Variants in HLTF observed in about 807,000 individuals in gnomAD.
HLTF encodes DNA-dependent ATPase/E3 ubiquitin-protein ligase HLTF.
In HLTF, 127 loss-of-function variants were observed where a neutral mutation model predicts 129.4. The ratio of observed to expected loss-of-function variants is 0.98; its 90% CI spans 0.85 to 1.14. The LOEUF is 1.14. HLTF is among the 50% of genes most tolerant of loss of function. HLTF has a pLI of 0.00. For missense variants in HLTF, 1,139 were observed against 1,187.1 expected, an observed-to-expected ratio of 0.96 and a Z score of 0.60; for synonymous variants, 332 against 388.8, an observed-to-expected ratio of 0.85 and a Z score of 1.72.
At position 149,059,784 on chromosome 3, in the gene HLTF, C is replaced by T. The variant is rs751117048; in HGVS notation, c.1309G>A (p.Asp437Asn). ...GTTAATGCACATGCAAATGCCACATCTTCTATAACCTTAGAAGATCCTGCT... is the reference window on the plus strand; with the variant it reads ...GTTAATGCACATGCAAATGCCACATTTTCTATAACCTTAGAAGATCCTGCT... ...AKAGSSKVIEDVAFACALTSS... is the reference protein window; with the variant it reads ...AKAGSSKVIENVAFACALTSS... Residue 437 changes from aspartate (D) to asparagine (N), a missense_variant, in exon 13 of 25, where the codon GAT (aspartate) becomes AAT (asparagine). Transcript: ENST00000310053. 5 of 1,594,694 alleles carry T rather than the reference C, an allele frequency of 3.1e-6. No homozygotes were observed. The African/African-American group carries it at 5.4e-5, about 17-fold the overall frequency.
At chr3:149,056,519 A>G (rs1227214264) in intron 13 of HLTF, among the ~76,000 whole-genome samples, 1 of 152,154 alleles carries the variant, frequency 6.6e-6, no homozygotes, top group Non-Finnish European at 1.5e-5. Flanking sequence ...ATCATTCACA[A>G]CTTGCTTTTT....
At chr3:149,047,604 T>G (rs1462175440) in intron 17 of HLTF, among the ~76,000 whole-genome samples, 2 of 152,152 alleles carry the variant, frequency 1.3e-5, no homozygotes, top group East Asian at 3.9e-4. Context: ...ATCGCGCCAC[T>G]GCCCTCCAGC....
In HLTF at chr3:149,048,923, T is replaced by C. The variant is rs1325444289; in HGVS notation, c.1696A>G (p.Asn566Asp). Reference sequence around the variant, plus strand: ...AGTACAGCTTTTGTCTGCTGAGCATTTGGATTTCGTATGGCATGTCCTTCA... The same window carrying C: ...AGTACAGCTTTTGTCTGCTGAGCATCTGGATTTCGTATGGCATGTCCTTCA... The part of the protein sequence containing the change: ...LDEGHAIRNP[N>D]AQQTKAVLDL... Residue 566 changes from asparagine to aspartate, a missense_variant, in exon 16 of 25, where the codon AAT becomes GAT. By Grantham distance (23) the Asn-to-Asp change is conservative. Coordinates refer to ENST00000310053, the MANE Select transcript of HLTF (RefSeq NM_003071.4). The C allele has an allele frequency of 6.2e-7, 1 of 1,613,084 alleles. No homozygotes were observed. Among genetic ancestry groups the C allele is most frequent in the Non-Finnish European group, 8.5e-7 (1 of 1,179,128 alleles).
At chr3:149,049,103 C>T (rs1716781049) in intron 15 of HLTF, 102 bp from the exon 16 acceptor site, 1 of 764,652 alleles carries the variant, frequency 1.3e-6, no homozygotes, top group Admixed American at 2.5e-5. Context: ...ATCAAATTTA[C>T]TATGTGCTAG....
At chr3:149,086,005 C>G (rs1186448597) in intron 1 of HLTF, among the ~76,000 whole-genome samples, 1 of 152,136 alleles carries the variant, frequency 6.6e-6, no homozygotes, top group Non-Finnish European at 1.5e-5. Flanking sequence ...GAGCACAATG[C>G]CTGGCGCACA....
chr3:149,073,233 T>A lies in HLTF; in HGVS notation c.619A>T (p.Thr207Ser). 1 of 1,597,666 alleles carries A rather than the reference T, an allele frequency of 6.3e-7. No homozygotes were observed. The highest frequency in any genetic ancestry group is 8.5e-7 in the Non-Finnish European group (1 of 1,170,842). The change falls in exon 5 of 25, where the codon ACT becomes TCT. Residue 207 changes from threonine to serine, a missense_variant. Coordinates refer to ENST00000310053, the MANE Select transcript of HLTF (RefSeq NM_003071.4). The part of the protein sequence containing the change: ...MPVHAAVQMT[T>S]EQLKTEFDKL... Reference sequence around the variant, plus strand: ...ATAAAAGAGAAGCACACCTGTTCAGTTGTCATCTGTACTGCAGCATGCACT... The same window carrying A: ...ATAAAAGAGAAGCACACCTGTTCAGATGTCATCTGTACTGCAGCATGCACT...
chr3:149,038,215 C>T (rs1392778361), intron 23 of HLTF, among the ~76,000 whole-genome samples: 1 of 152,082 alleles, frequency 6.6e-6, no homozygotes, highest in Non-Finnish European at 1.5e-5. Context: ...CTACTAGAAC[C>T]GTGATGGTAA....
In HLTF at chr3:149,041,480, A is replaced by G; in HGVS notation, c.2376+10T>C. 1 of 1,609,236 alleles carries G rather than the reference A, an allele frequency of 6.2e-7. No individual in the cohort carries two copies. The highest frequency in any genetic ancestry group is 2.2e-5 in the East Asian group (1 of 44,766). ...TCAAACACTGAACCTGTACTGAGCA[A>G]AAAACTAACCTGCTCATTCTGAATG... On this transcript the variant is annotated intron_variant, in intron 20 of 24. Transcript: ENST00000310053.
intron 8 of HLTF, among the ~76,000 whole-genome samples, chr3:149,067,525 C>G (rs1423402746): frequency 6.6e-6 from 1 of 151,738 alleles, no homozygotes; most frequent in African/African-American, 2.4e-5. Context: ...GTTTTAGAGA[C>G]AGGGTCTCAC....
chr3:149,038,759 C>T (rs151012223), intron 23 of HLTF, among the ~76,000 whole-genome samples: 459 of 152,280 alleles, frequency 3.0e-3, no homozygotes, highest in Non-Finnish European at 4.3e-3. Flanking sequence ...GCAATCCATT[C>T]ACCTTGGCCT....
chr3:149,079,096 T>A (rs1372917490), intron 2 of HLTF, among the ~76,000 whole-genome samples: 1 of 151,558 alleles, frequency 6.6e-6, no homozygotes, highest in Admixed American at 6.6e-5. Context: ...AACAAAAAAA[T>A]GACACACAAC....
intron 23 of HLTF, among the ~76,000 whole-genome samples, chr3:149,036,120 G>A (rs1353699265): frequency 6.6e-6 from 1 of 151,422 alleles, no homozygotes; most frequent in Non-Finnish European, 1.5e-5. Context: ...GGGCGACAGA[G>A]CGAGACTACA....
chr3:149,079,152 T>A (rs148305963), intron 2 of HLTF, among the ~76,000 whole-genome samples: 6 of 151,640 alleles, frequency 4.0e-5, no homozygotes, highest in African/African-American at 1.4e-4. Context: ...CACACATACA[T>A]AAGAGTACCA....
At chr3:149,086,087 TCGGTGACAGAGATTTCCCAAGTCC>T (rs1576636209) in intron 1 of HLTF, among the ~76,000 whole-genome samples, 1 of 152,138 alleles carries the variant, frequency 6.6e-6, no homozygotes, top group East Asian at 1.9e-4. Flanking sequence ...CCCCCCACAG[TCGGTGACAGAGATTTCCCAAGTCC>T]CTAACACGGG....
intron 7 of HLTF, among the ~76,000 whole-genome samples, chr3:149,069,319 A>G (rs1204548282): frequency 1.3e-5 from 2 of 151,996 alleles, no homozygotes; most frequent in Non-Finnish European, 1.5e-5. Context: ...TAAATACAAA[A>G]AATTAGCTAG....
intron 10 of HLTF, 63 bp from the exon 11 acceptor site, chr3:149,060,921 C>G: frequency 9.2e-7 from 1 of 1,082,928 alleles, no homozygotes; most frequent in Non-Finnish European, 1.4e-6. Flanking sequence ...GATATACAAA[C>G]ATGTTTAATA....
chr3:149,034,639 GTA>G (rs1715413650), intron 24 of HLTF, among the ~76,000 whole-genome samples: 1 of 152,164 alleles, frequency 6.6e-6, no homozygotes, highest in African/African-American at 2.4e-5. Flanking sequence ...AGTCTCCAAT[GTA>G]TAGTTTTAAG....
chr3:149,071,722 T>C lies in HLTF; in HGVS notation c.628-65A>G, dbSNP rs549139407. Reference sequence around the variant, plus strand: ...AATTAAAATAATACTTGCATTTAAGTCAGATTTGAAATCATTTAATTAACT... The same window carrying C: ...AATTAAAATAATACTTGCATTTAAGCCAGATTTGAAATCATTTAATTAACT... On this transcript the variant is annotated intron_variant, in intron 5 of 24. Transcript: ENST00000310053. 7.3e-5 allele frequency: 75 copies of C among 1,028,894 alleles called. No individual in the cohort carries two copies. The Middle Eastern group carries it at 4.2e-3, about 58-fold the overall frequency. 63.7% of individuals were successfully genotyped at this position (1,028,894 alleles called of 1,614,324 possible).
At chr3:149,068,213 C>T (rs1351196914) in intron 8 of HLTF, 27 bp downstream of exon 8, 2 of 934,828 alleles carry the variant, frequency 2.1e-6, no homozygotes, top group Non-Finnish European at 1.7e-6. Flanking sequence ...GGAGGTTTCA[C>T]ATAAAGCGCA....
Sources: gnomAD v4.1 joint callset for allele counts (sites outside exome capture counted in the v4.1 genomes callset) on GRCh38, gnomAD v4.1.1 for gene constraint, MANE v1.5 for transcripts, NCBI Gene and HGNC (gene_info 2026-07-23, HGNC 2026-07-21) for gene names.